ESD: variants seen among roughly 807,000 people sequenced by gnomAD.
The protein encoded by ESD is S-formylglutathione hydrolase.
In ESD, 34 loss-of-function variants were observed where a neutral mutation model predicts 38.1. The observed-to-expected ratio is 0.89, with a 90% CI of 0.68 to 1.19. The LOEUF is 1.19. Ranked by LOEUF, ESD falls within the 50% of genes most tolerant of loss-of-function variation. The probability of loss-of-function intolerance (pLI) is 0.00; values close to 1 mark genes in which losing one functional copy is unlikely to be tolerated. For synonymous variants in ESD, 97 were observed against 107.0 expected (o/e 0.91, Z 0.58); for missense variants, 334 against 327.2 (o/e 1.02, Z -0.16).
chr13:46,782,899 C>A, intron 5 of ESD, 108 bp from the exon 6 acceptor site: 1 of 1,355,472 alleles, frequency 7.4e-7, no homozygotes, highest in Non-Finnish European at 1.0e-6. Context: ...AACTGTTCAC[C>A]AAATGTTGTG....
chr13:46,783,421 C>T (rs1875080580), intron 5 of ESD, among the ~76,000 whole-genome samples: 1 of 151,998 alleles, frequency 6.6e-6, no homozygotes, highest in Non-Finnish European at 1.5e-5. Context: ...AATAGAATTA[C>T]AGTAACACGT....
intron 2 of ESD, 109 bp downstream of exon 2, chr13:46,793,288 T>G (rs534649845): frequency 6.6e-6 from 1 of 152,640 alleles, no homozygotes; most frequent in East Asian, 1.9e-4. Context: ...GGTGGTTATA[T>G]TTTTCAATAG....
intron 1 of ESD, among the ~76,000 whole-genome samples, chr13:46,796,613 G>A (rs1216833157): frequency 2.0e-5 from 3 of 152,220 alleles, no homozygotes; most frequent in African/African-American, 7.2e-5. Context: ...GGCACCATCA[G>A]GTGAGTGCTC....
chr13:46,786,432 T>G (rs1051980388), intron 4 of ESD, among the ~76,000 whole-genome samples: 2 of 151,996 alleles, frequency 1.3e-5, no homozygotes, highest in African/African-American at 4.8e-5. Context: ...CAGCGTCTTG[T>G]GAAAGAAAAG....
chr13:46,796,829 A>G (rs1014330379), intron 1 of ESD, among the ~76,000 whole-genome samples: 1 of 152,258 alleles, frequency 6.6e-6, no homozygotes. Flanking sequence ...GTACAAATGT[A>G]GCGGGCAGTA....
At chr13:46,782,539 C>G in intron 6 of ESD, 128 bp downstream of exon 6, 3 of 906,848 alleles carry the variant, frequency 3.3e-6, no homozygotes, top group Non-Finnish European at 5.0e-6. Flanking sequence ...ATAGTACTAG[C>G]AAACTTTGGA....
At chr13:46,783,538 T>C (rs768040783) in intron 5 of ESD, among the ~76,000 whole-genome samples, 22 of 95,508 alleles carry the variant, frequency 2.3e-4, no homozygotes, top group African/African-American at 4.6e-4. Context: ...AAAATTTTAG[T>C]TTCCCTTTTA....
intron 6 of ESD, 103 bp from the exon 7 acceptor site, chr13:46,781,718 GTCTT>G: frequency 9.3e-7 from 1 of 1,069,618 alleles, no homozygotes; most frequent in Non-Finnish European, 1.4e-6. Context: ...CCAAATCATA[GTCTT>G]ACAATGGTTT....
intron 3 of ESD, 71 bp downstream of exon 3, chr13:46,791,275 A>T (rs1875386492): frequency 8.9e-7 from 1 of 1,121,706 alleles, no homozygotes; most frequent in Non-Finnish European, 1.3e-6. Context: ...CTAGATAAAG[A>T]TTGGTTTTAA....
At chr13:46,789,991 CATAT>C (rs1163985354) in intron 3 of ESD, among the ~76,000 whole-genome samples, 7 of 140,276 alleles carry the variant, frequency 5.0e-5, no homozygotes, top group African/African-American at 8.2e-5. Context: ...AATTTTTGTA[CATAT>C]ATATATATAT....
chr13:46,771,576 G>T (rs1593401755), intron 9 of ESD, 80 bp from the exon 10 acceptor site: 3 of 900,138 alleles, frequency 3.3e-6, no homozygotes, highest in Admixed American at 2.2e-5. Context: ...TATCTCTAAG[G>T]TCGTTTAATT....
chr13:46,786,293 CAT>C (rs1875190050), intron 4 of ESD, among the ~76,000 whole-genome samples: 2 of 151,884 alleles, frequency 1.3e-5, no homozygotes, highest in South Asian at 4.1e-4. Context: ...ATGAAACACA[CAT>C]GAGGGAGGAT....
Position 46,771,435 on chromosome 13 carries a change from G to C in ESD, c.830C>G (p.Ala277Gly). 6.2e-7 allele frequency: 1 copy of C among 1,603,326 alleles called. No individual in the cohort carries two copies. The highest frequency in any genetic ancestry group is 8.5e-7 in the Non-Finnish European group (1 of 1,172,716). Reference sequence around the variant, plus strand: ...GTTTTTTCATGCATTCAGGTATTTAGCATGATGTCTGATGTGGTCAGTAAT... The same window carrying C: ...GTTTTTTCATGCATTCAGGTATTTACCATGATGTCTGATGTGGTCAGTAAT... ...TFITDHIRHHAKYLNA is the reference protein window; with the variant it reads ...TFITDHIRHHGKYLNA The change falls in exon 10 of 10, where the codon GCT becomes GGT. Residue 277 changes from alanine to glycine, a missense_variant. Transcript: ENST00000378720.
At chr13:46,787,130 A>C in intron 3 of ESD, 21 bp from the exon 4 acceptor site, 1 of 1,407,746 alleles carries the variant, frequency 7.1e-7, no homozygotes, top group Non-Finnish European at 9.8e-7. Flanking sequence ...CAAAAACAAC[A>C]ACAAAATATT....
At chr13:46,774,796 C>T (rs1874729648) in intron 9 of ESD, among the ~76,000 whole-genome samples, 1 of 152,128 alleles carries the variant, frequency 6.6e-6, no homozygotes, top group Non-Finnish European at 1.5e-5. Flanking sequence ...AGACTTTGCA[C>T]TGTATTCATT....
intron 9 of ESD, among the ~76,000 whole-genome samples, chr13:46,774,362 G>A (rs1365256185): frequency 2.0e-5 from 3 of 152,160 alleles, no homozygotes; most frequent in African/African-American, 7.2e-5. Context: ...TTGGTATCCT[G>A]CTGAAGTTAC....
At position 46,781,588 on chromosome 13, in the gene ESD, G is replaced by A. The variant is rs768011202; in HGVS notation, c.409C>T (p.Pro137Ser). The change falls in exon 7 of 10, where the codon CCA (proline) becomes TCA (serine). Residue 137 changes from proline to serine, a missense_variant. By Grantham distance (74) the Pro-to-Ser change is moderately conservative (BLOSUM62 -1). Transcript: ENST00000378720. ...ELPQLINANFPVDPQRMSIFG... is the reference protein window; with the variant it reads ...ELPQLINANFSVDPQRMSIFG... ...ATAGACATCCTTTGGGGATCCACTGGAAAATTGGCATTTATGAGTTGGGGA... is the reference window on the plus strand; with the variant it reads ...ATAGACATCCTTTGGGGATCCACTGAAAAATTGGCATTTATGAGTTGGGGA... 3.7e-6 allele frequency: 6 copies of A among 1,608,350 alleles called. No homozygotes were observed. Among genetic ancestry groups the A allele is most frequent in the Non-Finnish European group, 5.1e-6 (6 of 1,176,066 alleles).
At chr13:46,794,736 A>G (rs1259046414) in intron 1 of ESD, among the ~76,000 whole-genome samples, 1 of 152,056 alleles carries the variant, frequency 6.6e-6, no homozygotes, top group Non-Finnish European at 1.5e-5. Flanking sequence ...TGTTCCCAAA[A>G]CCAACAATCT....
intron 2 of ESD, among the ~76,000 whole-genome samples, chr13:46,792,291 A>C (rs1875429064): frequency 6.6e-6 from 1 of 151,996 alleles, no homozygotes; most frequent in East Asian, 1.9e-4. Context: ...ATATTGAAGA[A>C]AAAGCTTTAG....
Sources: gnomAD v4.1 joint callset for allele counts (sites outside exome capture counted in the v4.1 genomes callset) on GRCh38, gnomAD v4.1.1 for gene constraint, MANE v1.5 for transcripts, NCBI Gene and HGNC (gene_info 2026-07-23, HGNC 2026-07-21) for gene names.